The following THSD7A variants were observed in gnomAD, a reference collection of about 807,000 sequenced individuals.
The protein encoded by THSD7A is thrombospondin type-1 domain-containing protein 7A.
A neutral mutation model predicts 231.3 loss-of-function variants in THSD7A; 96 were observed. The observed-to-expected ratio is 0.41, with a 90% confidence interval of 0.35 to 0.49. The LOEUF (loss-of-function observed/expected upper bound fraction) is 0.49. THSD7A is among the 20% of genes least tolerant of loss of function. The probability of loss-of-function intolerance (pLI) is 0.05; values close to 1 mark genes in which losing one functional copy is unlikely to be tolerated. For missense variants in THSD7A, 2,290 were observed against 2,070.2 expected (o/e 1.11, Z -2.06); for synonymous variants, 940 against 743.3 (o/e 1.26, Z -4.30).
intron 6 of THSD7A, among the ~76,000 whole-genome samples, chr7:11,517,311 C>T (rs1005671614): frequency 3.3e-5 from 5 of 152,016 alleles, no homozygotes; most frequent in African/African-American, 9.7e-5. Flanking sequence ...AACTCCTGAC[C>T]TCGTGATCCG....
chr7:11,517,670 A>G (rs1788089605), intron 6 of THSD7A, among the ~76,000 whole-genome samples: 1 of 152,206 alleles, frequency 6.6e-6, no homozygotes, highest in Non-Finnish European at 1.5e-5. Flanking sequence ...ACACAACTTA[A>G]TAGAAGTCTT....
At chr7:11,645,061 G>A (rs1437872189) in intron 1 of THSD7A, among the ~76,000 whole-genome samples, 1 of 151,900 alleles carries the variant, frequency 6.6e-6, no homozygotes, top group African/African-American at 2.4e-5. Flanking sequence ...ATTTTTCAAA[G>A]AAACATGTAG....
At chr7:11,599,583 G>C (rs1180169875) in intron 2 of THSD7A, among the ~76,000 whole-genome samples, 1 of 152,154 alleles carries the variant, frequency 6.6e-6, no homozygotes, top group African/African-American at 2.4e-5. Context: ...TTATGTAATA[G>C]TATTTGGTTT....
At chr7:11,496,870 A>G (rs1009379324) in intron 6 of THSD7A, among the ~76,000 whole-genome samples, 2 of 152,230 alleles carry the variant, frequency 1.3e-5, no homozygotes, top group Non-Finnish European at 2.9e-5. Context: ...AATCTAGGTA[A>G]ATAAAGACAC....
At chr7:11,812,140 T>TGA (rs377112108) in intron 1 of THSD7A, among the ~76,000 whole-genome samples, 3,372 of 146,934 alleles carry the variant, frequency 0.023, 197 homozygotes, top group African/African-American at 0.08. Flanking sequence ...TGTGTGTGTG[T>TGA]GGGAGACAGA....
intron 2 of THSD7A, among the ~76,000 whole-genome samples, chr7:11,631,171 T>C (rs1781640299): frequency 6.6e-6 from 1 of 152,212 alleles, no homozygotes; most frequent in African/African-American, 2.4e-5. Flanking sequence ...CCTTTATGGA[T>C]TGTGCCACTG....
rs1785469896 is a variant in THSD7A at position 11,460,619 on chromosome 7, C to T, written c.2605+43G>A. On this transcript the variant is annotated intron_variant, in intron 11 of 27. Transcript: ENST00000423059. ...CAAATGCATCAAAACAGTAGTTAAA[C>T]TAGCGATGCTGGAGAAATGAACTGT... 3 of 1,507,556 alleles carry T rather than the reference C, an allele frequency of 2.0e-6. 1 individual carries two copies. The highest frequency in any genetic ancestry group is 2.4e-5 in the East Asian group (1 of 41,896). The allele number at this position is 1,507,556 out of a possible 1,614,324, so 93.4% of individuals were successfully genotyped here.
chr7:11,573,801 G>A (rs1011804166), intron 4 of THSD7A, among the ~76,000 whole-genome samples: 2 of 152,046 alleles, frequency 1.3e-5, no homozygotes, highest in Non-Finnish European at 2.9e-5. Flanking sequence ...ATTTATTGAC[G>A]CTTGGGTTTA....
At chr7:11,660,395 G>T (rs1782884871) in intron 1 of THSD7A, among the ~76,000 whole-genome samples, 1 of 151,334 alleles carries the variant, frequency 6.6e-6, no homozygotes, top group Non-Finnish European at 1.5e-5. Context: ...AAACAATTCT[G>T]GAATATCTAA....
intron 1 of THSD7A, among the ~76,000 whole-genome samples, chr7:11,655,093 C>A (rs917306786): frequency 2.6e-5 from 4 of 151,872 alleles, no homozygotes; most frequent in African/African-American, 9.7e-5. Context: ...CCTGACTTCT[C>A]AGCTTAGCAG....
intron 6 of THSD7A, among the ~76,000 whole-genome samples, chr7:11,512,559 T>G (rs1787856230): frequency 1.3e-5 from 2 of 151,842 alleles, no homozygotes; most frequent in African/African-American, 4.8e-5. Flanking sequence ...ATAGACTGGA[T>G]TAAGAAACTG....
At chr7:11,408,972 T>A (rs146129152) in intron 19 of THSD7A, among the ~76,000 whole-genome samples, 1 of 152,142 alleles carries the variant, frequency 6.6e-6, no homozygotes, top group African/African-American at 2.4e-5. Context: ...GGGGACAGTT[T>A]GAATCACAGG....
intron 4 of THSD7A, among the ~76,000 whole-genome samples, chr7:11,569,162 G>C (rs1790515195): frequency 6.6e-6 from 1 of 151,994 alleles, no homozygotes; most frequent in South Asian, 2.1e-4. Flanking sequence ...CAAAAGCACA[G>C]GTAACAGAAA....
At chr7:11,827,021 A>T (rs1318223037) in intron 1 of THSD7A, among the ~76,000 whole-genome samples, 1 of 152,028 alleles carries the variant, frequency 6.6e-6, no homozygotes, top group East Asian at 1.9e-4. Flanking sequence ...ATTAATTTTT[A>T]GAGACAGGAT....
chr7:11,713,781 G>A (rs1240662392), intron 1 of THSD7A, among the ~76,000 whole-genome samples: 1 of 151,170 alleles, frequency 6.6e-6, no homozygotes, highest in Non-Finnish European at 1.5e-5. Context: ...ATGTTCTCTT[G>A]TCACTTAAAC....
chr7:11,476,770 G>T (rs1395181138), intron 7 of THSD7A, among the ~76,000 whole-genome samples: 1 of 150,280 alleles, frequency 6.7e-6, no homozygotes, highest in Admixed American at 6.6e-5. Context: ...AGCCAAGATC[G>T]GGCCACTGCA....
intron 23 of THSD7A, among the ~76,000 whole-genome samples, chr7:11,401,403 A>G (rs1178758255): frequency 6.6e-6 from 1 of 152,066 alleles, no homozygotes; most frequent in Admixed American, 6.6e-5. Context: ...ACATCTGAGT[A>G]AATTTTTAAA....
chr7:11,508,160 C>A (rs1402951309), intron 6 of THSD7A, among the ~76,000 whole-genome samples: 1 of 152,148 alleles, frequency 6.6e-6, no homozygotes, highest in Non-Finnish European at 1.5e-5. Context: ...CCAGGTCCCT[C>A]CCTGGACCCC....
At chr7:11,526,605 T>G (rs1226268602) in intron 6 of THSD7A, among the ~76,000 whole-genome samples, 1 of 152,234 alleles carries the variant, frequency 6.6e-6, no homozygotes, top group African/African-American at 2.4e-5. Context: ...GCACAATAAA[T>G]GTGCATATAA....
Sources: allele counts gnomAD v4.1 joint callset (sites outside exome capture counted in the v4.1 genomes callset), GRCh38; gene constraint gnomAD v4.1.1; transcripts MANE v1.5; gene names NCBI Gene and HGNC (gene_info 2026-07-23, HGNC 2026-07-21).